Variants in DHODH observed in about 807,000 individuals in gnomAD.
DHODH encodes dihydroorotate dehydrogenase (quinone), mitochondrial.
In DHODH, 30 loss-of-function variants were observed where a neutral mutation model predicts 39.7. The ratio of observed to expected loss-of-function variants is 0.76; its 90% CI spans 0.57 to 1.02. DHODH has a LOEUF of 1.02. Among genes scored for constraint, DHODH ranks in the 50% least tolerant of loss-of-function variants. DHODH has a pLI of 0.00. For missense variants in DHODH, 531 were observed against 520.8 expected (o/e 1.02, Z -0.19); for synonymous variants, 222 against 213.8 (o/e 1.04, Z -0.34).
At chr16:72,009,716 C>T (rs1567568671) in intron 1 of DHODH, among the ~76,000 whole-genome samples, 1 of 151,424 alleles carries the variant, frequency 6.6e-6, no homozygotes, top group Non-Finnish European at 1.5e-5. Flanking sequence ...CCGGGTTCAA[C>T]CGATTTTCCT....
chr16:72,024,381 G>T lies in DHODH; in HGVS notation c.*182G>T. 1.5e-6 allele frequency: 1 copy of T among 676,930 alleles called. No homozygotes were observed. The allele number at this position is 676,930 out of a possible 1,614,324, so 41.9% of individuals were successfully genotyped here. A position where few individuals can be genotyped will look rare whatever the true frequency, so the allele number is the denominator to read the frequency against. On this transcript the variant is annotated 3_prime_UTR_variant, in exon 9 of 9. Transcript: ENST00000219240. ...AACCGCAGGCTTTCTTCAGTCCCTT[G>T]GTCAGACCATAAACTGCATTTTTGA... is the stretch of plus-strand genomic sequence containing the variant.
In DHODH at chr16:72,017,038, G is replaced by C. The variant is rs766253160; in HGVS notation, c.449G>C (p.Ser150Thr). The C allele has an allele frequency of 1.2e-6, 2 of 1,613,954 alleles. No individual in the cohort carries two copies. The highest frequency in any genetic ancestry group is 1.7e-5 in the Admixed American group (1 of 59,994). The change falls in exon 4 of 9, where the codon AGT becomes ACT. Residue 150 changes from serine (S) to threonine (T), a missense_variant. Coordinates refer to ENST00000219240, the MANE Select transcript of DHODH (RefSeq NM_001361.5). ...GTGCTCTGCAGGTATGGATTTAACA[G>C]TCACGGGCTTTCAGTGGTGGAACAC... ...QAVINRYGFN[S>T]HGLSVVEHRL...
At chr16:72,021,092 C>T (rs770695096) in intron 4 of DHODH, 32 bp from the exon 5 acceptor site, 66 of 1,572,296 alleles carry the variant, frequency 4.2e-5, no homozygotes, top group East Asian at 2.6e-4. Context: ...AAAGGGTGTG[C>T]GGGGTGCAGG....
chr16:72,020,353 A>ATATATATATATG (rs1491148985), intron 4 of DHODH: 2 of 109,438 alleles, frequency 1.8e-5, no homozygotes, highest in African/African-American at 8.1e-5. Context: ...ATATATATAT[A>ATATATATATATG]TGTGTATATA....
At chr16:72,009,158 G>T (rs544531569) in intron 1 of DHODH, 14 of 1,121,378 alleles carry the variant, frequency 1.2e-5, no homozygotes, top group Admixed American at 4.3e-5. Flanking sequence ...GTAAAGTTTT[G>T]TTAGGGGCGG....
rs2041270500 is a variant in DHODH at position 72,025,661 on chromosome 16, T to G, written c.*1462T>G. 1 of 152,378 alleles carries G rather than the reference T, an allele frequency of 6.6e-6. No individual in the cohort carries two copies. Among genetic ancestry groups the G allele is most frequent in the African/African-American group, 2.4e-5 (1 of 41,460 alleles). The allele number at this position is 152,378 out of a possible 1,614,324, so 9.4% of individuals were successfully genotyped here. A position where few individuals can be genotyped will look rare whatever the true frequency, so the allele number is the denominator to read the frequency against. Reference sequence around the variant, plus strand: ...CTGGCATGTTTCACATTCTGATAGATAGAGCCAAGTTGCTCCTATCAGGTT... The same window carrying G: ...CTGGCATGTTTCACATTCTGATAGAGAGAGCCAAGTTGCTCCTATCAGGTT... On this transcript the variant is annotated 3_prime_UTR_variant, in exon 9 of 9. Transcript: ENST00000219240.
At chr16:72,010,333 C>G (rs1359998547) in intron 1 of DHODH, among the ~76,000 whole-genome samples, 4 of 152,284 alleles carry the variant, frequency 2.6e-5, no homozygotes, top group South Asian at 2.1e-4. Flanking sequence ...AGAATAGGTT[C>G]AGAGAGACCC....
At chr16:72,011,326 A>G (rs1164740201) in intron 1 of DHODH, among the ~76,000 whole-genome samples, 1 of 152,140 alleles carries the variant, frequency 6.6e-6, no homozygotes, top group Non-Finnish European at 1.5e-5. Context: ...AATTTACAAG[A>G]TATTTGTACT....
chr16:72,008,850 T>A, intron 1 of DHODH, 65 bp downstream of exon 1: 1 of 1,549,956 alleles, frequency 6.5e-7, no homozygotes, highest in Non-Finnish European at 8.7e-7. Flanking sequence ...GAACGGAGAG[T>A]CAGGCCGGGC....
intron 5 of DHODH, among the ~76,000 whole-genome samples, chr16:72,021,949 T>C (rs2143998665): frequency 6.6e-6 from 1 of 152,016 alleles, no homozygotes; most frequent in East Asian, 1.9e-4. Context: ...AGAAATTAGC[T>C]GGGCATGGTG....
At chr16:72,019,832 A>G (rs1252950840) in intron 4 of DHODH, among the ~76,000 whole-genome samples, 2 of 152,164 alleles carry the variant, frequency 1.3e-5, no homozygotes, top group Non-Finnish European at 2.9e-5. Context: ...ACACCTCTAC[A>G]TTTTAGGCAT....
intron 6 of DHODH, 47 bp from the exon 7 acceptor site, chr16:72,023,118 T>C (rs1322994671): frequency 2.0e-5 from 32 of 1,610,106 alleles, no homozygotes; most frequent in Non-Finnish European, 2.7e-5. Context: ...CGCCTCTGGG[T>C]CCTTCGGTGC....
chr16:72,018,063 C>G (rs1462221835), intron 4 of DHODH, among the ~76,000 whole-genome samples: 2 of 151,944 alleles, frequency 1.3e-5, no homozygotes, highest in Non-Finnish European at 2.9e-5. Flanking sequence ...CGTGAGCCAC[C>G]GCGCCTGGCC....
rs920767448 is a variant in DHODH, at chr16:72,024,277, G to A, written c.*78G>A. 4 of 1,499,058 alleles carry A rather than the reference G, an allele frequency of 2.7e-6. No homozygotes were observed. Among genetic ancestry groups the A allele is most frequent in the African/African-American group, 1.4e-5 (1 of 72,578 alleles). 92.9% of individuals were successfully genotyped at this position (1,499,058 alleles called of 1,614,324 possible). A position where few individuals can be genotyped will look rare whatever the true frequency, so the allele number is the denominator to read the frequency against. On this transcript the variant is annotated 3_prime_UTR_variant, in exon 9 of 9. Coordinates refer to ENST00000219240, the MANE Select transcript of DHODH (RefSeq NM_001361.5). Reference sequence around the variant, plus strand: ...AGCCTTTGTGGCTGGATCATGAGAGGAGGGACTCCATCTTGAGCCATGTCC... The same window carrying A: ...AGCCTTTGTGGCTGGATCATGAGAGAAGGGACTCCATCTTGAGCCATGTCC...
At chr16:72,014,412 A>G in intron 2 of DHODH, 61 bp from the exon 3 acceptor site, 1 of 1,516,820 alleles carries the variant, frequency 6.6e-7, no homozygotes, top group Non-Finnish European at 9.2e-7. Flanking sequence ...GCCAGGAACC[A>G]TGCTTTGAGA....
chr16:72,025,230 G>A lies in DHODH; in HGVS notation c.*1031G>A, dbSNP rs982423656. On this transcript the variant is annotated 3_prime_UTR_variant, in exon 9 of 9. Transcript: ENST00000219240. ...CCTCCTCACCCCACTCTGCAGACAT[G>A]CCTTTCTGTCTGTCCTCCCAGACTT... 1 of 152,190 alleles carries A rather than the reference G, an allele frequency of 6.6e-6. No individual in the cohort carries two copies. The highest frequency in any genetic ancestry group is 2.4e-5 in the African/African-American group (1 of 41,430). 9.4% of individuals were successfully genotyped at this position (152,190 alleles called of 1,614,324 possible).
chr16:72,020,645 C>T (rs2041202549), intron 4 of DHODH: 1 of 163,194 alleles, frequency 6.1e-6, no homozygotes, highest in Non-Finnish European at 1.3e-5. Flanking sequence ...AGCCACCGCA[C>T]CTGGCCTGTT....
At chr16:72,012,745 C>A (rs963693004) in intron 2 of DHODH, among the ~76,000 whole-genome samples, 1 of 152,180 alleles carries the variant, frequency 6.6e-6, no homozygotes, top group East Asian at 1.9e-4. Flanking sequence ...GCAGGAGCAT[C>A]GTGTCCCAGC....
intron 2 of DHODH, among the ~76,000 whole-genome samples, chr16:72,012,911 A>G (rs2041100290): frequency 6.6e-6 from 1 of 152,248 alleles, no homozygotes; most frequent in South Asian, 2.1e-4. Flanking sequence ...CGGAAGGCTA[A>G]GGGCCTCTGT....
Sources: gnomAD v4.1 joint callset for allele counts (sites outside exome capture counted in the v4.1 genomes callset) on GRCh38, gnomAD v4.1.1 for gene constraint, MANE v1.5 for transcripts, NCBI Gene and HGNC (gene_info 2026-07-23, HGNC 2026-07-21) for gene names.